The following CBLB variants were observed in gnomAD, a reference collection of about 807,000 sequenced individuals.
CBLB encodes E3 ubiquitin-protein ligase CBL-B.
CBLB carries 31 observed loss-of-function variants against 104.9 expected under a neutral mutation model. That is an observed-to-expected ratio of 0.30 (90% confidence interval 0.22 to 0.40). The LOEUF (loss-of-function observed/expected upper bound fraction) is 0.40. Among genes scored for constraint, CBLB ranks in the 10% least tolerant of loss-of-function variants. The pLI is 1.00. For missense variants in CBLB, 1,062 were observed against 1,214.6 expected, an observed-to-expected ratio of 0.87 and a Z score of 1.87; for synonymous variants, 440 against 422.6, an observed-to-expected ratio of 1.04 and a Z score of -0.51.
chr3:105,861,710 CAT>C (rs1449655596), intron 2 of CBLB, among the ~76,000 whole-genome samples: 1 of 149,198 alleles, frequency 6.7e-6, no homozygotes, highest in African/African-American at 2.5e-5. Context: ...CACACACATA[CAT>C]ACACACACAC....
Position 105,867,453 on chromosome 3 carries a change from T to C in CBLB, c.125A>G (p.Asp42Gly). 1.2e-6 allele frequency: 2 copies of C among 1,614,184 alleles called. No homozygotes were observed. The highest frequency in any genetic ancestry group is 8.5e-7 in the Non-Finnish European group (1 of 1,180,028). The change falls in exon 2 of 19, where the codon GAT (aspartate) becomes GGT (glycine). Residue 42 changes from aspartate (D) to glycine (G), a missense_variant. Asp to Gly is a moderately conservative substitution (Grantham distance 94). Coordinates refer to ENST00000394030, the MANE Select transcript of CBLB (RefSeq NM_170662.5). ...CCAAGTCTTCTCCACGGTCCTGCGA[T>C]CTGCGGCAGCTTGCTTAGGGGGTCC... Reference protein sequence around the residue: ...AVGPPKQAAADRRTVEKTWKL... With the variant: ...AVGPPKQAAAGRRTVEKTWKL...
chr3:105,720,139 T>C lies in CBLB; in HGVS notation c.1315A>G (p.Ile439Val). 1 of 1,613,976 alleles carries C rather than the reference T, an allele frequency of 6.2e-7. No homozygotes were observed. The highest frequency in any genetic ancestry group is 8.5e-7 in the Non-Finnish European group (1 of 1,179,914). The stretch of plus-strand genomic sequence containing the variant: ...AGCATCGGCATGCCAAAGGGGTCAA[T>C]GATGCTGCAACACCTGGAGCCTTCA... The part of the protein sequence containing the change: ...RDEGSRCCSI[I>V]DPFGMPMLDL... Residue 439 changes from isoleucine (I) to valine (V), a missense_variant, in exon 10 of 19, where the codon ATT becomes GTT. Coordinates refer to ENST00000394030, the MANE Select transcript of CBLB (RefSeq NM_170662.5).
At chr3:105,772,308 T>C (rs559334223) in intron 4 of CBLB, among the ~76,000 whole-genome samples, 2 of 152,328 alleles carry the variant, frequency 1.3e-5, no homozygotes, top group Admixed American at 6.5e-5. Flanking sequence ...CTGGAAAAAC[T>C]GGCAGGCCAC....
intron 3 of CBLB, among the ~76,000 whole-genome samples, chr3:105,795,607 T>G (rs1329898340): frequency 3.9e-5 from 6 of 152,238 alleles, no homozygotes; most frequent in Non-Finnish European, 7.3e-5. Context: ...ACCTCTACTT[T>G]CTGTCAAAAC....
chr3:105,859,338 C>A (rs1207641526), intron 2 of CBLB, among the ~76,000 whole-genome samples: 11 of 152,244 alleles, frequency 7.2e-5, no homozygotes, highest in Admixed American at 7.2e-4. Flanking sequence ...AAGTGAACTG[C>A]CTCATTCTTA....
chr3:105,672,915 AAAATGGTTAT>A (rs981992363), intron 17 of CBLB: 95 of 152,254 alleles, frequency 6.2e-4, no homozygotes, highest in African/African-American at 2.2e-3. Flanking sequence ...TATTAACTGG[AAAATGGTTAT>A]AAATAGCATA....
chr3:105,769,221 G>C (rs919964365), intron 4 of CBLB, among the ~76,000 whole-genome samples: 15 of 152,146 alleles, frequency 9.9e-5, no homozygotes, highest in Non-Finnish European at 1.3e-4. Flanking sequence ...GGGAGGCTGA[G>C]GAGGGAGAAT....
rs77390246 is a variant in CBLB, at chr3:105,836,467, T to A, written c.419+16947A>T. Among the ~76,000 whole-genome samples the A allele has an allele frequency of 6.4e-3, 977 of 152,276 alleles. 31 individuals are homozygous for A. The highest frequency in any genetic ancestry group is 0.055 in the East Asian group (284 of 5,180). Reference sequence around the variant, plus strand: ...TAATTCAAGGAGGTTCCCAAATTAGTCTGGGGACATACCATGAGCACCCCG... The same window carrying A: ...TAATTCAAGGAGGTTCCCAAATTAGACTGGGGACATACCATGAGCACCCCG... On this transcript the variant is annotated intron_variant, in intron 3 of 18. Coordinates refer to ENST00000394030, the MANE Select transcript of CBLB (RefSeq NM_170662.5).
At position 105,670,353 on chromosome 3, in the gene CBLB, C is replaced by A; in HGVS notation, c.2570-1G>T. The A allele has an allele frequency of 6.2e-7, 1 of 1,609,882 alleles. No individual in the cohort carries two copies. The highest frequency in any genetic ancestry group is 8.5e-7 in the Non-Finnish European group (1 of 1,176,934). On this transcript the variant is annotated splice_acceptor_variant, in intron 17 of 18. Coordinates refer to ENST00000394030, the MANE Select transcript of CBLB (RefSeq NM_170662.5). LOFTEE classifies it high-confidence loss of function. ...CCACTTGCTAGATCAACAAAGGGATCTTAAAAATAAAAACAAGTTTCAAAT... is the reference window on the plus strand; with the variant it reads ...CCACTTGCTAGATCAACAAAGGGATATTAAAAATAAAAACAAGTTTCAAAT...
intron 3 of CBLB, among the ~76,000 whole-genome samples, chr3:105,805,048 C>A (rs1294070989): frequency 2.0e-5 from 3 of 152,184 alleles, no homozygotes; most frequent in Non-Finnish European, 4.4e-5. Flanking sequence ...CTTATCCAAA[C>A]AATAGCCCAT....
intron 3 of CBLB, among the ~76,000 whole-genome samples, chr3:105,823,622 ACTTATTGCT>A (rs1226709030): frequency 6.6e-6 from 1 of 152,154 alleles, no homozygotes; most frequent in African/African-American, 2.4e-5. Context: ...TTGATAAACA[ACTTATTGCT>A]TTGCTGCTGG....
intron 7 of CBLB, among the ~76,000 whole-genome samples, chr3:105,739,762 A>C (rs1238514881): frequency 6.6e-6 from 1 of 152,124 alleles, no homozygotes; most frequent in Admixed American, 6.5e-5. Context: ...TGGAGGGAGA[A>C]ACAGATAAGA....
In CBLB at chr3:105,776,383, G is replaced by A. The variant is rs772082416; in HGVS notation, c.566+13C>T. On this transcript the variant is annotated intron_variant, in intron 4 of 18. Coordinates refer to ENST00000394030, the MANE Select transcript of CBLB (RefSeq NM_170662.5). ...AAGATAGATCCACAGCTATAAAAATGATTTTTACTTACTTGTCTCCAAAAA... is the reference window on the plus strand; with the variant it reads ...AAGATAGATCCACAGCTATAAAAATAATTTTTACTTACTTGTCTCCAAAAA... 9 of 1,611,614 alleles carry A rather than the reference G, an allele frequency of 5.6e-6. No homozygotes were observed. Among genetic ancestry groups the A allele is most frequent in the Admixed American group, 5.0e-5 (3 of 59,980 alleles).
rs2082066467 is a variant in CBLB, at chr3:105,794,756, A to C, written c.420-18214T>G. On this transcript the variant is annotated intron_variant, in intron 3 of 18. Coordinates refer to ENST00000394030, the MANE Select transcript of CBLB (RefSeq NM_170662.5). The stretch of plus-strand genomic sequence containing the variant: ...AAAAAATGTTAATAACAGATACCAC[A>C]TAAATACATAAAACTACATTTAAAA... 2.0e-5 allele frequency among the ~76,000 whole-genome samples: 3 copies of C among 152,322 alleles called. No homozygotes were observed. In the South Asian group the frequency reaches 6.2e-4, roughly 32 times the overall value.
At chr3:105,751,294 A>C (rs1022037902) in intron 5 of CBLB, among the ~76,000 whole-genome samples, 168 bp downstream of exon 5, 2 of 152,224 alleles carry the variant, frequency 1.3e-5, no homozygotes, top group Admixed American at 6.5e-5. Context: ...AACTTTTAAC[A>C]ATGACCAAAC....
chr3:105,803,595 C>G (rs2083151583), intron 3 of CBLB, among the ~76,000 whole-genome samples: 1 of 152,158 alleles, frequency 6.6e-6, no homozygotes, highest in Non-Finnish European at 1.5e-5. Flanking sequence ...GAGCCCCACT[C>G]TCTATCCTCG....
At chr3:105,692,222 G>A (rs1416479340) in intron 13 of CBLB, among the ~76,000 whole-genome samples, 1 of 152,122 alleles carries the variant, frequency 6.6e-6, no homozygotes, top group Non-Finnish European at 1.5e-5. Flanking sequence ...TATTCTCTGT[G>A]TACTTACTTA....
intron 9 of CBLB, among the ~76,000 whole-genome samples, chr3:105,731,477 T>TTTC (rs1267222065): frequency 6.6e-6 from 1 of 152,204 alleles, no homozygotes; most frequent in Non-Finnish European, 1.5e-5. Context: ...AAGTTAGGAC[T>TTTC]TAAGTAAAGG....
At chr3:105,660,489 G>T (rs2063686086) in intron 18 of CBLB, among the ~76,000 whole-genome samples, 1 of 151,978 alleles carries the variant, frequency 6.6e-6, no homozygotes, top group Admixed American at 6.6e-5. Context: ...ACCGCACCTG[G>T]CCCATATATA....
Sources: gnomAD v4.1 joint callset for allele counts (sites outside exome capture counted in the v4.1 genomes callset) on GRCh38, gnomAD v4.1.1 for gene constraint, MANE v1.5 for transcripts, NCBI Gene and HGNC (gene_info 2026-07-23, HGNC 2026-07-21) for gene names.